The following NAALADL2 variants were observed in gnomAD, a reference collection of about 807,000 sequenced individuals.
NAALADL2 encodes inactive N-acetylated-alpha-linked acidic dipeptidase-like protein 2.
NAALADL2 carries 76 observed loss-of-function variants against 87.2 expected under a neutral mutation model. The observed-to-expected ratio is 0.87, with a 90% CI of 0.72 to 1.05. The LOEUF (loss-of-function observed/expected upper bound fraction) is 1.05, where lower values mean the gene tolerates loss of function less well. NAALADL2 is among the 50% of genes least tolerant of loss of function. NAALADL2 has a pLI of 0.00. For synonymous variants in NAALADL2, 354 were observed against 331.0 expected (o/e 1.07, Z -0.75); for missense variants, 1,089 against 945.8 (o/e 1.15, Z -1.99).
chr3:175,716,280 ATT>A, intron 11 of NAALADL2, among the ~76,000 whole-genome samples: 1 of 145,412 alleles, frequency 6.9e-6, no homozygotes, highest in Non-Finnish European at 1.5e-5. Context: ...TATAATATAT[ATT>A]ATGTTATTAC....
At chr3:174,574,653 A>G (rs1284384215) in intron 2 of NAALADL2, among the ~76,000 whole-genome samples, 1 of 152,152 alleles carries the variant, frequency 6.6e-6, no homozygotes, top group Non-Finnish European at 1.5e-5. Context: ...GTCAATCAAT[A>G]TATGAACATT....
chr3:175,638,825 C>T lies in NAALADL2; in HGVS notation c.1896+11439C>T, dbSNP rs369790434. Among the ~76,000 whole-genome samples the T allele has an allele frequency of 2.1e-4, 32 of 152,184 alleles. No homozygotes were observed. The East Asian group carries it at 4.2e-3, about 20-fold the overall frequency. On this transcript the variant is annotated intron_variant, in intron 11 of 13. Coordinates refer to ENST00000454872, the MANE Select transcript of NAALADL2 (RefSeq NM_207015.3). The stretch of plus-strand genomic sequence containing the variant: ...TACATTTTTATTTTCCTAAAGACTC[C>T]ATCAAAACAAATCCCATAACTGAAA...
intron 1 of NAALADL2, among the ~76,000 whole-genome samples, chr3:174,974,299 A>G (rs62286232): frequency 0.066 from 10,084 of 152,244 alleles, 344 homozygotes; most frequent in East Asian, 0.14. Flanking sequence ...GGAAAACTCT[A>G]TGACTTTTAG....
In NAALADL2 at chr3:175,624,927, A is replaced by C. The variant is rs374532817; in HGVS notation, c.1801-2364A>C. On this transcript the variant is annotated intron_variant, in intron 10 of 13. Coordinates refer to ENST00000454872, the MANE Select transcript of NAALADL2 (RefSeq NM_207015.3). ...CACATGTATGTACACACTGACACAC[A>C]GAGTTGATTTCTAGCATCGAGTTCC... 5.3e-5 allele frequency among the ~76,000 whole-genome samples: 8 copies of C among 152,206 alleles called. No homozygotes were observed. In the East Asian group the frequency reaches 9.6e-4, roughly 18 times the overall value.
Position 175,573,825 on chromosome 3 carries a change from G to A in NAALADL2, c.1654-2216G>A, listed in dbSNP as rs1718454539. On this transcript the variant is annotated intron_variant, in intron 9 of 13. Transcript: ENST00000454872. ...TGAAAAGAAGCAAATTGCTGGTGGG[G>A]GGTGGGGGTCACCATAAAAAGGATT... Among the ~76,000 whole-genome samples, 4 of 152,224 alleles carry A rather than the reference G, an allele frequency of 2.6e-5. No individual in the cohort carries two copies. In the South Asian group the frequency reaches 8.3e-4, roughly 32 times the overall value.
At chr3:174,713,350 C>G (rs812872) in intron 2 of NAALADL2, among the ~76,000 whole-genome samples, 9 of 152,132 alleles carry the variant, frequency 5.9e-5, no homozygotes, top group African/African-American at 1.9e-4. Flanking sequence ...AATGGTATTT[C>G]TAGTTCTAGA....
chr3:175,443,720 T>C (rs953682395), intron 5 of NAALADL2, among the ~76,000 whole-genome samples: 1 of 152,238 alleles, frequency 6.6e-6, no homozygotes, highest in Non-Finnish European at 1.5e-5. Flanking sequence ...GTTATGTACC[T>C]GACAAGGTGC....
chr3:175,698,483 T>A (rs538539134), intron 11 of NAALADL2, among the ~76,000 whole-genome samples: 1,019 of 67,702 alleles, frequency 0.015, 121 homozygotes, highest in African/African-American at 0.035. Context: ...GTATATATAT[T>A]TATATATATA....
chr3:174,682,517 T>A (rs1359023648), intron 2 of NAALADL2, among the ~76,000 whole-genome samples: 1 of 152,196 alleles, frequency 6.6e-6, no homozygotes, highest in Non-Finnish European at 1.5e-5. Context: ...ACAGGGTGCT[T>A]GTTTTACCCC....
At chr3:175,153,715 CT>C (rs1322667703) in intron 2 of NAALADL2, among the ~76,000 whole-genome samples, 3 of 152,164 alleles carry the variant, frequency 2.0e-5, no homozygotes, top group Admixed American at 6.6e-5. Flanking sequence ...CTATGTTAGT[CT>C]GGCCCAGTCT....
At chr3:175,728,229 G>A (rs1424837185) in intron 11 of NAALADL2, among the ~76,000 whole-genome samples, 6 of 152,070 alleles carry the variant, frequency 3.9e-5, no homozygotes, top group Non-Finnish European at 5.9e-5. Context: ...TGCACAGCTC[G>A]GATGATAATG....
intron 10 of NAALADL2, among the ~76,000 whole-genome samples, chr3:175,589,260 A>G (rs1397999672): frequency 2.6e-5 from 4 of 152,218 alleles, no homozygotes; most frequent in African/African-American, 9.6e-5. Context: ...ATAAAATATT[A>G]TACCAGAAAG....
intron 9 of NAALADL2, among the ~76,000 whole-genome samples, chr3:175,508,538 C>T (rs1021816311): frequency 2.6e-5 from 4 of 152,260 alleles, no homozygotes; most frequent in African/African-American, 9.6e-5. Flanking sequence ...TTATCACCAA[C>T]ATTCTACCAT....
chr3:175,517,380 A>G (rs1731993807), intron 9 of NAALADL2, among the ~76,000 whole-genome samples: 1 of 152,208 alleles, frequency 6.6e-6, no homozygotes, highest in South Asian at 2.1e-4. Context: ...ATAAAGATTC[A>G]AAATATTTTT....
chr3:174,595,582 C>T (rs2108596287), intron 2 of NAALADL2, among the ~76,000 whole-genome samples: 1 of 152,262 alleles, frequency 6.6e-6, no homozygotes, highest in East Asian at 1.9e-4. Context: ...TTCTTCAGCT[C>T]ATCTTTCTGC....
At chr3:175,352,663 A>G (rs1467915803) in intron 5 of NAALADL2, among the ~76,000 whole-genome samples, 1 of 152,228 alleles carries the variant, frequency 6.6e-6, no homozygotes, top group Non-Finnish European at 1.5e-5. Context: ...AAGCAATTTA[A>G]CAAAGGTGTG....
chr3:175,263,550 A>T (rs1004101303), intron 4 of NAALADL2, among the ~76,000 whole-genome samples: 13 of 151,896 alleles, frequency 8.6e-5, no homozygotes, highest in African/African-American at 3.1e-4. Context: ...CATCATAGCA[A>T]ATGGCATCAT....
At chr3:175,051,311 A>C (rs1027715444) in intron 1 of NAALADL2, among the ~76,000 whole-genome samples, 1 of 152,186 alleles carries the variant, frequency 6.6e-6, no homozygotes, top group African/African-American at 2.4e-5. Flanking sequence ...TTATTATGTC[A>C]GTTTCCATGG....
intron 2 of NAALADL2, among the ~76,000 whole-genome samples, chr3:175,230,804 A>C (rs1744838116): frequency 6.6e-6 from 1 of 152,112 alleles, no homozygotes; most frequent in Admixed American, 6.6e-5. Flanking sequence ...AGGAAGTAGA[A>C]CTGTCATAAA....
Sources: allele counts gnomAD v4.1 joint callset (sites outside exome capture counted in the v4.1 genomes callset), GRCh38; gene constraint gnomAD v4.1.1; transcripts MANE v1.5; gene names NCBI Gene and HGNC (gene_info 2026-07-23, HGNC 2026-07-21).